The following RAB38 variants were observed in gnomAD, a reference collection of about 807,000 sequenced individuals.
The protein encoded by RAB38 is RAB38, member RAS oncogene family.
Under a neutral mutation model 18.4 loss-of-function variants are expected in RAB38, and 15 were observed. The observed-to-expected ratio is 0.82, with a 90% CI of 0.55 to 1.26. The LOEUF (loss-of-function observed/expected upper bound fraction) is 1.26. RAB38 is among the 50% of genes most tolerant of loss of function. RAB38 has a pLI of 0.00. For synonymous variants in RAB38, 101 were observed against 104.4 expected (o/e 0.97, Z 0.20); for missense variants, 294 against 267.4 (o/e 1.10, Z -0.69).
the RAB38 span, among the ~76,000 whole-genome samples, chr11:88,063,148 A>G: frequency 6.6e-6 from 1 of 152,212 alleles, no homozygotes; most frequent in East Asian, 1.9e-4. Flanking sequence ...AAAACAAAAC[A>G]ATAAAACAGA....
chr11:88,104,031 C>T, the RAB38 span, among the ~76,000 whole-genome samples: 1 of 152,096 alleles, frequency 6.6e-6, no homozygotes, highest in East Asian at 1.9e-4. Flanking sequence ...ATCATCTGCC[C>T]TGGCATGAGG....
the RAB38 span, among the ~76,000 whole-genome samples, chr11:87,919,512 T>C: frequency 2.6e-5 from 4 of 152,036 alleles, no homozygotes; most frequent in South Asian, 2.1e-4. Context: ...TATTATTTTG[T>C]TAAGAATTTT....
At chr11:87,912,766 C>CTTTT in the RAB38 span, among the ~76,000 whole-genome samples, 1 of 114,524 alleles carries the variant, frequency 8.7e-6, no homozygotes, top group East Asian at 2.6e-4. Flanking sequence ...TTCTTTCTTT[C>CTTTT]TTTTTTTTTT....
chr11:87,956,068 A>G, the RAB38 span, among the ~76,000 whole-genome samples: 2 of 152,084 alleles, frequency 1.3e-5, no homozygotes, highest in African/African-American at 4.8e-5. Context: ...TGGTTCATAT[A>G]TTTTCTGAGC....
At chr11:88,168,875 A>T (rs1159568119) in intron 1 of RAB38, among the ~76,000 whole-genome samples, 5 of 152,104 alleles carry the variant, frequency 3.3e-5, no homozygotes, top group Non-Finnish European at 7.4e-5. Flanking sequence ...TATGACTTGG[A>T]TCTATCTTAT....
At chr11:88,063,679 A>G in the RAB38 span, among the ~76,000 whole-genome samples, 20 of 152,228 alleles carry the variant, frequency 1.3e-4, no homozygotes, top group Admixed American at 5.2e-4. Context: ...GGGCGGTTTC[A>G]CCCATACTGT....
chr11:87,930,683 G>T, the RAB38 span, among the ~76,000 whole-genome samples: 3 of 152,136 alleles, frequency 2.0e-5, no homozygotes, highest in Admixed American at 6.5e-5. Context: ...TTCTTCTAGG[G>T]TTTTAATGGT....
the RAB38 span, among the ~76,000 whole-genome samples, chr11:88,082,101 G>T: frequency 6.6e-6 from 1 of 151,824 alleles, no homozygotes; most frequent in Admixed American, 6.6e-5. Context: ...CAGGGATTGG[G>T]ATGAGAGATG....
the RAB38 span, among the ~76,000 whole-genome samples, chr11:87,882,734 T>A: frequency 7.9e-5 from 12 of 151,888 alleles, no homozygotes; most frequent in Non-Finnish European, 1.3e-4. Context: ...TCACTTTTTG[T>A]TGTCGGCAGT....
the RAB38 span, among the ~76,000 whole-genome samples, chr11:87,944,391 A>G: frequency 6.6e-6 from 1 of 152,170 alleles, no homozygotes; most frequent in Non-Finnish European, 1.5e-5. Context: ...ATGCCAACCC[A>G]TAGTGAGGAG....
the RAB38 span, among the ~76,000 whole-genome samples, chr11:88,052,832 G>A: frequency 6.9e-6 from 1 of 145,906 alleles, no homozygotes; most frequent in Non-Finnish European, 1.5e-5. Context: ...AAAATAAAAA[G>A]TGGGGTGGAG....
At chr11:88,165,105 A>C (rs1261935080) in intron 1 of RAB38, among the ~76,000 whole-genome samples, 1 of 152,172 alleles carries the variant, frequency 6.6e-6, no homozygotes. Context: ...CAGGTTAAAA[A>C]TTAATAAATT....
chr11:87,813,643 G>A, the RAB38 span, among the ~76,000 whole-genome samples: 1 of 152,010 alleles, frequency 6.6e-6, no homozygotes, highest in Non-Finnish European at 1.5e-5. Flanking sequence ...CCCAGTTTGG[G>A]TCTTACCTAT....
the RAB38 span, among the ~76,000 whole-genome samples, chr11:87,878,222 T>TATATATATACAC: frequency 1.1e-3 from 124 of 116,200 alleles, 14 homozygotes; most frequent in Middle Eastern, 0.012. Context: ...TATATATATA[T>TATATATATACAC]ACACACATAT....
At chr11:87,805,237 C>A in the RAB38 span, among the ~76,000 whole-genome samples, 2 of 152,112 alleles carry the variant, frequency 1.3e-5, no homozygotes, top group African/African-American at 4.8e-5. Context: ...ATATCCTTTT[C>A]TTTTGTTCTT....
the RAB38 span, among the ~76,000 whole-genome samples, chr11:87,818,222 C>T: frequency 1.3e-5 from 2 of 152,122 alleles, 1 homozygote; most frequent in Admixed American, 1.3e-4. Flanking sequence ...AGTTTGGGAA[C>T]TACTGCCCTA....
the RAB38 span, among the ~76,000 whole-genome samples, chr11:88,004,137 G>T: frequency 6.8e-6 from 1 of 147,290 alleles, no homozygotes; most frequent in Non-Finnish European, 1.5e-5. Context: ...TTAAAATACT[G>T]ATAAAATATT....
the RAB38 span, among the ~76,000 whole-genome samples, chr11:87,911,777 G>A: frequency 6.6e-6 from 1 of 151,892 alleles, no homozygotes; most frequent in Admixed American, 6.6e-5. Flanking sequence ...ATGAGAATAT[G>A]CATGCTTGCT....
chr11:88,022,033 A>T, the RAB38 span, among the ~76,000 whole-genome samples: 1 of 152,008 alleles, frequency 6.6e-6, no homozygotes, highest in African/African-American at 2.4e-5. Flanking sequence ...AAAACCAGAT[A>T]AAGACACATC....
Sources: gnomAD v4.1 joint callset for allele counts (sites outside exome capture counted in the v4.1 genomes callset) on GRCh38, gnomAD v4.1.1 for gene constraint, MANE v1.5 for transcripts, NCBI Gene and HGNC (gene_info 2026-07-23, HGNC 2026-07-21) for gene names.